Variants in RBFOX1 observed in about 807,000 individuals in gnomAD.
The protein encoded by RBFOX1 is RNA binding protein fox-1 homolog 1.
Under a neutral mutation model 57.7 loss-of-function variants are expected in RBFOX1, and 8 were observed. The ratio of observed to expected loss-of-function variants is 0.14; its 90% confidence interval spans 0.08 to 0.25. The LOEUF is 0.25. Ranked by LOEUF, RBFOX1 falls within the 10% of genes least tolerant of loss-of-function variation. The pLI is 1.00. For missense variants in RBFOX1, 611 were observed against 548.5 expected, an observed-to-expected ratio of 1.11 and a Z score of -1.14; for synonymous variants, 326 against 222.4, an observed-to-expected ratio of 1.47 and a Z score of -4.15.
intron 3 of RBFOX1, among the ~76,000 whole-genome samples, chr16:6,751,407 T>TA (rs2074910819): frequency 6.6e-6 from 1 of 152,116 alleles, no homozygotes; most frequent in African/African-American, 2.4e-5. Context: ...GGAAGTTCCC[T>TA]AAAGGAGGGT....
chr16:7,272,921 C>CT (rs2095355428), intron 4 of RBFOX1, among the ~76,000 whole-genome samples: 1 of 140,982 alleles, frequency 7.1e-6, no homozygotes, highest in African/African-American at 2.7e-5. Flanking sequence ...CCTCCCCTCC[C>CT]TCCTTCCTCC....
chr16:7,134,551 C>T (rs1447867062), intron 4 of RBFOX1, among the ~76,000 whole-genome samples: 2 of 152,142 alleles, frequency 1.3e-5, no homozygotes, highest in Non-Finnish European at 2.9e-5. Flanking sequence ...TTCACAGTTT[C>T]CAAATTGCTA....
At chr16:7,128,943 C>A (rs553107900) in intron 4 of RBFOX1, among the ~76,000 whole-genome samples, 1 of 151,734 alleles carries the variant, frequency 6.6e-6, no homozygotes, top group South Asian at 2.1e-4. Context: ...GCCTCAACCT[C>A]CCAAGTAGCT....
At chr16:6,398,618 C>A (rs34670536) in intron 2 of RBFOX1, among the ~76,000 whole-genome samples, 54,160 of 152,054 alleles carry the variant, frequency 0.36, 9,843 homozygotes, top group East Asian at 0.55. Context: ...TTAAAGTTCC[C>A]AAATGAGCTC....
At chr16:5,989,067 T>C (rs1376141536) in intron 4 of RBFOX1, among the ~76,000 whole-genome samples, 2 of 151,422 alleles carry the variant, frequency 1.3e-5, no homozygotes, top group East Asian at 2.0e-4. Flanking sequence ...ACGCCTGTAA[T>C]CCCAGCACTT....
chr16:6,384,523 A>G (rs973531178), intron 2 of RBFOX1, among the ~76,000 whole-genome samples: 3 of 152,098 alleles, frequency 2.0e-5, no homozygotes, highest in African/African-American at 7.2e-5. Flanking sequence ...GCTTCTGAAG[A>G]GTGTGCATTG....
chr16:7,597,411 C>A lies in RBFOX1; in HGVS notation c.602C>A (p.Thr201Asn), dbSNP rs746262958. The change falls in exon 9 of 16, where the codon ACC (threonine) becomes AAC (asparagine). Residue 201 changes from threonine to asparagine, a missense_variant. Thr to Asn is a moderately conservative substitution (Grantham distance 65). This residue lies in a region of RBFOX1 where 99 missense variants were observed against 160.3 expected (regional missense o/e 0.62). Coordinates refer to ENST00000550418, the MANE Select transcript of RBFOX1 (RefSeq NM_018723.4). The stretch of plus-strand genomic sequence containing the variant: ...GCACGTGTAATGACAAATAAAAAGA[C>A]CGTCAACCCTTATACAAATGGTAAG... Reference protein sequence around the residue: ...ATARVMTNKKTVNPYTNGWKL... With the variant: ...ATARVMTNKKNVNPYTNGWKL... 2 of 1,610,668 alleles carry A rather than the reference C, an allele frequency of 1.2e-6. No homozygotes were observed. The highest frequency in any genetic ancestry group is 2.2e-5 in the South Asian group (2 of 90,754).
chr16:6,431,884 G>GCTTT (rs748550069), intron 2 of RBFOX1, among the ~76,000 whole-genome samples: 57 of 108,546 alleles, frequency 5.3e-4, no homozygotes, highest in African/African-American at 1.5e-3. Flanking sequence ...CCAGAAATAT[G>GCTTT]CTTGCTTGCT....
chr16:6,875,106 A>G (rs114381013), intron 3 of RBFOX1, among the ~76,000 whole-genome samples: 1,861 of 152,286 alleles, frequency 0.012, 22 homozygotes, highest in Non-Finnish European at 0.02. Context: ...AATCTTATCA[A>G]TTGACTGTGT....
chr16:6,573,029 A>G (rs964727377), intron 2 of RBFOX1, among the ~76,000 whole-genome samples: 4 of 152,176 alleles, frequency 2.6e-5, no homozygotes, highest in African/African-American at 9.7e-5. Context: ...AGATCAAGTC[A>G]ACACTCAATT....
intron 1 of RBFOX1, among the ~76,000 whole-genome samples, chr16:6,082,287 TCTC>T (rs1468444348): frequency 6.7e-6 from 1 of 149,050 alleles, no homozygotes; most frequent in African/African-American, 2.5e-5. Flanking sequence ...TTCAAGCGAT[TCTC>T]CTGCCTCAGC....
intron 4 of RBFOX1, among the ~76,000 whole-genome samples, chr16:7,230,603 G>T (rs865824456): frequency 6.6e-6 from 1 of 152,138 alleles, no homozygotes; most frequent in Non-Finnish European, 1.5e-5. Flanking sequence ...TCACGTGATG[G>T]CATTGGGCAC....
intron 1 of RBFOX1, among the ~76,000 whole-genome samples, chr16:5,317,882 T>G (rs1265184984): frequency 6.6e-6 from 1 of 152,202 alleles, no homozygotes; most frequent in Non-Finnish European, 1.5e-5. Context: ...TACAAAATTT[T>G]TATCATCTTC....
Position 6,379,189 on chromosome 16 carries a change from C to T in RBFOX1, c.-64+62132C>T, listed in dbSNP as rs557667959. ...CATCTTGGAAATGTTGAGTTTTGGG[C>T]CCCTGTAGAAGACCCAGCTGAGATT... On this transcript the variant is annotated intron_variant, in intron 2 of 15. Coordinates refer to ENST00000550418, the MANE Select transcript of RBFOX1 (RefSeq NM_018723.4). Among the ~76,000 whole-genome samples, 8 of 152,090 alleles carry T rather than the reference C, an allele frequency of 5.3e-5. No homozygotes were observed. The East Asian group carries it at 1.5e-3, about 29-fold the overall frequency.
At chr16:5,819,882 C>T (rs2055783099) in intron 3 of RBFOX1, among the ~76,000 whole-genome samples, 2 of 152,218 alleles carry the variant, frequency 1.3e-5, no homozygotes, top group African/African-American at 2.4e-5. Flanking sequence ...AGTGCCCTGT[C>T]ACTTTTTCAT....
At chr16:7,030,654 C>G (rs919070638) in intron 3 of RBFOX1, among the ~76,000 whole-genome samples, 8 of 152,176 alleles carry the variant, frequency 5.3e-5, no homozygotes, top group Non-Finnish European at 1.2e-4. Flanking sequence ...CTATGATTTT[C>G]TCTTGATCCT....
At chr16:5,666,125 G>A (rs556539627) in intron 3 of RBFOX1, among the ~76,000 whole-genome samples, 8 of 152,324 alleles carry the variant, frequency 5.3e-5, no homozygotes, top group African/African-American at 1.4e-4. Context: ...GGCCGGTTCC[G>A]TTTGCCTGGA....
At chr16:5,552,754 C>G (rs2045513516) in intron 2 of RBFOX1, among the ~76,000 whole-genome samples, 1 of 152,156 alleles carries the variant, frequency 6.6e-6, no homozygotes, top group Non-Finnish European at 1.5e-5. Flanking sequence ...AATGGCTTCC[C>G]TTTGCTCTGA....
At chr16:6,884,065 G>C (rs1167869735) in intron 3 of RBFOX1, among the ~76,000 whole-genome samples, 1 of 152,144 alleles carries the variant, frequency 6.6e-6, no homozygotes, top group African/African-American at 2.4e-5. Flanking sequence ...CCACTGCAGA[G>C]CGGTGGCTGC....
Sources: allele counts gnomAD v4.1 joint callset (sites outside exome capture counted in the v4.1 genomes callset), GRCh38; gene constraint gnomAD v4.1.1; regional missense constraint gnomAD v4.1.1; transcripts MANE v1.5; gene names NCBI Gene and HGNC (gene_info 2026-07-23, HGNC 2026-07-21).